The following COL28A1 variants were observed in gnomAD, a reference collection of about 807,000 sequenced individuals.
COL28A1 encodes collagen alpha-1(XXVIII) chain.
A neutral mutation model predicts 150.2 loss-of-function variants in COL28A1; 161 were observed. That is an observed-to-expected ratio of 1.07 (90% CI 0.94 to 1.22). COL28A1 has a LOEUF of 1.22. COL28A1 is among the 50% of genes most tolerant of loss of function. The pLI is 0.00. For synonymous variants in COL28A1, 552 were observed against 469.7 expected (o/e 1.18, Z -2.26); for missense variants, 1,617 against 1,388.3 (o/e 1.16, Z -2.62).
intron 7 of COL28A1, among the ~76,000 whole-genome samples, chr7:7,516,697 A>G (rs1781432371): frequency 6.6e-6 from 1 of 152,222 alleles, no homozygotes; most frequent in Non-Finnish European, 1.5e-5. Context: ...TATTACAGTT[A>G]CATGTGAGTC....
At chr7:7,387,389 G>A (rs552583854) in intron 27 of COL28A1, among the ~76,000 whole-genome samples, 70 of 152,066 alleles carry the variant, frequency 4.6e-4, no homozygotes, top group Middle Eastern at 6.8e-3. Context: ...AAGTTAAAAA[G>A]AATTAGATAA....
chr7:7,395,658 A>AATAC (rs1463009513), intron 27 of COL28A1, among the ~76,000 whole-genome samples: 2 of 152,322 alleles, frequency 1.3e-5, no homozygotes, highest in East Asian at 3.9e-4. Context: ...CTTGCTGTAA[A>AATAC]AGCTCTGAGA....
chr7:7,542,270 C>T, the COL28A1 span, among the ~76,000 whole-genome samples: 840 of 152,250 alleles, frequency 5.5e-3, 5 homozygotes, highest in Non-Finnish European at 7.8e-3. Context: ...ATTGCTTGAA[C>T]CAGTGCGCTG....
the COL28A1 span, among the ~76,000 whole-genome samples, chr7:7,344,789 A>C: frequency 3.9e-5 from 6 of 152,136 alleles, no homozygotes; most frequent in African/African-American, 1.4e-4. Flanking sequence ...AACAGCAACA[A>C]GGCTAAGAAA....
At chr7:7,399,657 G>A (rs948877038) in intron 27 of COL28A1, among the ~76,000 whole-genome samples, 3 of 152,060 alleles carry the variant, frequency 2.0e-5, no homozygotes, top group Admixed American at 6.5e-5. Flanking sequence ...AATAAAATAG[G>A]GATACATGGA....
intron 34 of COL28A1, among the ~76,000 whole-genome samples, chr7:7,359,722 G>A (rs373923292): frequency 3.9e-5 from 6 of 152,100 alleles, no homozygotes; most frequent in African/African-American, 4.8e-5. Flanking sequence ...GGTATGGCTC[G>A]GTTCATTTAT....
At chr7:7,372,740 G>A (rs1335910505) in intron 32 of COL28A1, among the ~76,000 whole-genome samples, 1 of 152,048 alleles carries the variant, frequency 6.6e-6, no homozygotes, top group Admixed American at 6.5e-5. Flanking sequence ...CTCCATTCCT[G>A]TCTGTTGACC....
rs777046127 is a variant in COL28A1, at chr7:7,477,182, T to C, written c.1165-2A>G. 2 of 1,172,780 alleles carry C rather than the reference T, an allele frequency of 1.7e-6. No individual in the cohort carries two copies. Among genetic ancestry groups the C allele is most frequent in the Non-Finnish European group, 2.6e-6 (2 of 776,562 alleles). 72.6% of individuals were successfully genotyped at this position (1,172,780 alleles called of 1,614,324 possible). A position where few individuals can be genotyped will look rare whatever the true frequency, so the allele number is the denominator to read the frequency against. On this transcript the variant is annotated splice_acceptor_variant, in intron 13 of 34. Transcript: ENST00000399429. LOFTEE classifies it high-confidence loss of function. ...TACTCCCTCAGGACCACGGGGACCC[T>C]GGTTAGGATAGGAGAAAATGAGGAG...
At chr7:7,416,149 A>C (rs1395187745) in intron 27 of COL28A1, among the ~76,000 whole-genome samples, 2 of 152,224 alleles carry the variant, frequency 1.3e-5, no homozygotes, top group Non-Finnish European at 2.9e-5. Context: ...ACTGCTAAGC[A>C]GCATCAGGCT....
chr7:7,367,010 T>C (rs1780966871), intron 33 of COL28A1, among the ~76,000 whole-genome samples: 1 of 152,246 alleles, frequency 6.6e-6, no homozygotes, highest in Non-Finnish European at 1.5e-5. Flanking sequence ...AAGTGCTGCA[T>C]AATGACATTT....
At chr7:7,338,280 TG>T in the COL28A1 span, among the ~76,000 whole-genome samples, 1 of 152,174 alleles carries the variant, frequency 6.6e-6, no homozygotes, top group African/African-American at 2.4e-5. Flanking sequence ...TAGATAGCTC[TG>T]GGCAGTATGG....
In COL28A1 at chr7:7,407,792, TC is replaced by T. The variant is rs527649175; in HGVS notation, c.2136+10066del. ...TAAATCTAAATAAACAGTGACTATATCCAAAAATAATATTTTGGGGGCTTAA... is the reference window on the plus strand; with the variant it reads ...TAAATCTAAATAAACAGTGACTATATCAAAAATAATATTTTGGGGGCTTAA... On this transcript the variant is annotated intron_variant, in intron 27 of 34. Transcript: ENST00000399429. 4.8e-3 allele frequency among the ~76,000 whole-genome samples: 725 copies of T among 152,158 alleles called. 4 individuals are homozygous for T. The highest frequency in any genetic ancestry group is 8.5e-3 in the Non-Finnish European group (578 of 67,974).
chr7:7,471,264 A>C (rs1788403498), intron 15 of COL28A1, among the ~76,000 whole-genome samples: 1 of 152,148 alleles, frequency 6.6e-6, no homozygotes, highest in Non-Finnish European at 1.5e-5. Context: ...GTCCAGGACT[A>C]GACGGATTCA....
the COL28A1 span, among the ~76,000 whole-genome samples, chr7:7,542,217 G>T: frequency 1.3e-5 from 2 of 152,126 alleles, no homozygotes; most frequent in Non-Finnish European, 2.9e-5. Context: ...GCGTGGTGGT[G>T]CATGCCTGTA....
chr7:7,348,249 T>C, the COL28A1 span, among the ~76,000 whole-genome samples: 5 of 152,016 alleles, frequency 3.3e-5, no homozygotes, highest in Non-Finnish European at 5.9e-5. Flanking sequence ...TTGGAGCGAT[T>C]CTAGCTGCTC....
intron 26 of COL28A1, 144 bp from the exon 27 acceptor site, chr7:7,418,071 T>G: frequency 1.7e-6 from 1 of 595,154 alleles, no homozygotes. Flanking sequence ...CCTATTTTAC[T>G]TAGAGTGCTT....
intron 27 of COL28A1, among the ~76,000 whole-genome samples, chr7:7,413,589 C>A (rs1397975170): frequency 1.3e-5 from 2 of 152,188 alleles, no homozygotes; most frequent in African/African-American, 2.4e-5. Context: ...CTTCTACATA[C>A]TCCCTTTTTG....
In COL28A1 at chr7:7,506,002, G is replaced by T; in HGVS notation, c.1026+12C>A. On this transcript the variant is annotated intron_variant, in intron 11 of 34. Coordinates refer to ENST00000399429, the MANE Select transcript of COL28A1 (RefSeq NM_001037763.3). ...GGCACTCTGCCTGTCTTTAATCAAA[G>T]GGTAAGATTACCTTATTGCCTTGAA... The T allele has an allele frequency of 8.2e-7, 1 of 1,222,316 alleles. No individual in the cohort carries two copies. Among genetic ancestry groups the T allele is most frequent in the Non-Finnish European group, 1.2e-6 (1 of 821,984 alleles). The allele number at this position is 1,222,316 out of a possible 1,614,324, so 75.7% of individuals were successfully genotyped here.
chr7:7,459,474 G>A (rs557426097), intron 15 of COL28A1, among the ~76,000 whole-genome samples: 1 of 152,164 alleles, frequency 6.6e-6, no homozygotes, highest in Non-Finnish European at 1.5e-5. Flanking sequence ...AGATAATCAT[G>A]AATATCAATT....
Sources: allele counts gnomAD v4.1 joint callset (sites outside exome capture counted in the v4.1 genomes callset), GRCh38; gene constraint gnomAD v4.1.1; transcripts MANE v1.5; gene names NCBI Gene and HGNC (gene_info 2026-07-23, HGNC 2026-07-21).